Variants in KHDRBS2 observed in about 807,000 individuals in gnomAD.
KHDRBS2 encodes KH domain-containing, RNA-binding, signal transduction-associated protein 2.
In KHDRBS2, 26 loss-of-function variants were observed where a neutral mutation model predicts 44.3. That is an observed-to-expected ratio of 0.59 (90% CI 0.43 to 0.81). The LOEUF is 0.81. Ranked by LOEUF, KHDRBS2 falls within the 40% of genes least tolerant of loss-of-function variation. The pLI, the probability that KHDRBS2 is intolerant of heterozygous loss-of-function variation, is 0.00. For missense variants in KHDRBS2, 476 were observed against 433.1 expected (o/e 1.10, Z -0.88); for synonymous variants, 194 against 151.1 (o/e 1.28, Z -2.08).
intron 4 of KHDRBS2, among the ~76,000 whole-genome samples, chr6:61,934,487 TAGGATA>T (rs1810672365): frequency 6.6e-6 from 1 of 152,168 alleles, no homozygotes; most frequent in Non-Finnish European, 1.5e-5. Flanking sequence ...ATTGTCAGTC[TAGGATA>T]CTTATAAACA....
chr6:62,115,160 C>T (rs1455223012), intron 2 of KHDRBS2, among the ~76,000 whole-genome samples: 1 of 152,110 alleles, frequency 6.6e-6, no homozygotes, highest in African/African-American at 2.4e-5. Context: ...GTTTTCATAG[C>T]TGTCTGATTT....
At chr6:61,658,465 T>G in the KHDRBS2 span, among the ~76,000 whole-genome samples, 1 of 151,918 alleles carries the variant, frequency 6.6e-6, no homozygotes, top group East Asian at 1.9e-4. Context: ...TAAAGCCATG[T>G]TTTTATATCC....
At chr6:61,608,415 T>C in the KHDRBS2 span, among the ~76,000 whole-genome samples, 1 of 151,964 alleles carries the variant, frequency 6.6e-6, no homozygotes. Context: ...TTGTTTAAGA[T>C]GGTATTTAAT....
At chr6:62,229,958 A>C (rs1832630918) in intron 1 of KHDRBS2, among the ~76,000 whole-genome samples, 1 of 152,130 alleles carries the variant, frequency 6.6e-6, no homozygotes, top group South Asian at 2.1e-4. Flanking sequence ...CCCAGCTCCC[A>C]GTTTATTTAT....
At chr6:61,696,398 G>T (rs1314866413) in intron 8 of KHDRBS2, among the ~76,000 whole-genome samples, 1 of 151,956 alleles carries the variant, frequency 6.6e-6, no homozygotes, top group Non-Finnish European at 1.5e-5. Context: ...TGAGATTACA[G>T]GCATGCGCCA....
intron 1 of KHDRBS2, among the ~76,000 whole-genome samples, chr6:62,258,165 G>A (rs899129211): frequency 5.3e-5 from 8 of 151,980 alleles, no homozygotes; most frequent in African/African-American, 1.9e-4. Flanking sequence ...TGTTCTAGGT[G>A]AGAAGAAACA....
intron 6 of KHDRBS2, among the ~76,000 whole-genome samples, chr6:61,874,617 C>T (rs1799145895): frequency 6.6e-6 from 1 of 152,046 alleles, no homozygotes; most frequent in Non-Finnish European, 1.5e-5. Context: ...ATGCAGAGCT[C>T]AACATAGGTA....
chr6:61,822,002 GTTTA>G (rs1789991199), intron 6 of KHDRBS2, among the ~76,000 whole-genome samples: 1 of 151,892 alleles, frequency 6.6e-6, no homozygotes, highest in African/African-American at 2.4e-5. Flanking sequence ...CCTTGAATGT[GTTTA>G]TTTGAGATTC....
Position 61,756,388 on chromosome 6 carries a change from G to A in KHDRBS2, c.811-23624C>T, listed in dbSNP as rs539460173. On this transcript the variant is annotated intron_variant, in intron 6 of 8. Transcript: ENST00000281156. The stretch of plus-strand genomic sequence containing the variant: ...CGATTCTCCTGCCTCAGCCTCCCGA[G>A]TAGCTGGGTTTCAGGCTCCTGCCAC... 1.1e-4 allele frequency among the ~76,000 whole-genome samples: 17 copies of A among 152,086 alleles called. No individual in the cohort carries two copies. In the East Asian group the frequency reaches 3.3e-3, roughly 29 times the overall value.
rs2150154713 is a variant in KHDRBS2 at position 62,224,753 on chromosome 6, C to G, written c.92-47441G>C. On this transcript the variant is annotated intron_variant, in intron 1 of 8. Transcript: ENST00000281156. ...AACATGGCTTAAGTTTCCACCATTA[C>G]TAACTAAAAATTAGCTAAAAGCAAA... 2.6e-5 allele frequency among the ~76,000 whole-genome samples: 4 copies of G among 152,284 alleles called. No individual in the cohort carries two copies. The Middle Eastern group carries it at 0.01, about 388-fold the overall frequency.
At chr6:61,597,512 A>T in the KHDRBS2 span, among the ~76,000 whole-genome samples, 1 of 151,644 alleles carries the variant, frequency 6.6e-6, no homozygotes, top group Non-Finnish European at 1.5e-5. Flanking sequence ...TTATGTGATA[A>T]CTAGAACTCT....
chr6:62,177,354 C>T (rs779878990), intron 1 of KHDRBS2, 42 bp from the exon 2 acceptor site: 5 of 1,472,182 alleles, frequency 3.4e-6, no homozygotes, highest in Non-Finnish European at 2.8e-6. Flanking sequence ...AAATGAGGAA[C>T]AATGTTATCA....
At chr6:61,564,276 T>C in the KHDRBS2 span, among the ~76,000 whole-genome samples, 18 of 152,216 alleles carry the variant, frequency 1.2e-4, no homozygotes, top group South Asian at 1.0e-3. Context: ...ACTATAAAGG[T>C]AGTAGAAGGT....
intron 2 of KHDRBS2, among the ~76,000 whole-genome samples, chr6:62,161,573 C>CGGGG (rs3035515): frequency 7.2e-4 from 24 of 33,334 alleles, no homozygotes; most frequent in African/African-American, 1.9e-3. Flanking sequence ...TTGGTATTTG[C>CGGGG]GGGGGGGGGG....
At chr6:61,703,091 A>G (rs1246928028) in intron 7 of KHDRBS2, among the ~76,000 whole-genome samples, 2 of 151,894 alleles carry the variant, frequency 1.3e-5, no homozygotes, top group Admixed American at 6.6e-5. Flanking sequence ...TTTCTAGAAT[A>G]TAAAATAGAA....
chr6:62,175,001 T>C (rs2150121793), intron 2 of KHDRBS2, among the ~76,000 whole-genome samples: 1 of 151,660 alleles, frequency 6.6e-6, no homozygotes, highest in Middle Eastern at 3.4e-3. Flanking sequence ...AAGTGGAAAA[T>C]GAACAGCAGG....
chr6:61,607,744 G>A, the KHDRBS2 span, among the ~76,000 whole-genome samples: 6 of 152,212 alleles, frequency 3.9e-5, no homozygotes, highest in Non-Finnish European at 1.5e-5. Flanking sequence ...CTGGAGTGCA[G>A]TGGTGCAATC....
At position 61,978,503 on chromosome 6, in the gene KHDRBS2, G is replaced by T. The variant is rs1243262863; in HGVS notation, c.337-291C>A. Reference sequence around the variant, plus strand: ...ACCCCTGAAAATAAGTCACAGAATTGCCATTAACACTGTAGTCTACATGAC... The same window carrying T: ...ACCCCTGAAAATAAGTCACAGAATTTCCATTAACACTGTAGTCTACATGAC... On this transcript the variant is annotated intron_variant, in intron 3 of 8. Coordinates refer to ENST00000281156, the MANE Select transcript of KHDRBS2 (RefSeq NM_152688.4). Among the ~76,000 whole-genome samples the T allele has an allele frequency of 2.6e-5, 4 of 152,098 alleles. No individual in the cohort carries two copies. In the South Asian group the frequency reaches 8.3e-4, roughly 32 times the overall value.
At chr6:62,280,755 G>A (rs1347638218) in intron 1 of KHDRBS2, among the ~76,000 whole-genome samples, 1 of 152,184 alleles carries the variant, frequency 6.6e-6, no homozygotes, top group African/African-American at 2.4e-5. Flanking sequence ...GTTGACAGCT[G>A]CTATAAAGAA....
Sources: gnomAD v4.1 joint callset for allele counts (sites outside exome capture counted in the v4.1 genomes callset) on GRCh38, gnomAD v4.1.1 for gene constraint, MANE v1.5 for transcripts, NCBI Gene and HGNC (gene_info 2026-07-23, HGNC 2026-07-21) for gene names.